UBAC2: variants seen among roughly 807,000 people sequenced by gnomAD.
The protein encoded by UBAC2 is UBA domain containing 2.
UBAC2 carries 26 observed loss-of-function variants against 44.0 expected under a neutral mutation model. The observed-to-expected ratio is 0.59, with a 90% CI of 0.43 to 0.82. UBAC2 has a LOEUF of 0.82. Ranked by LOEUF, UBAC2 falls within the 40% of genes least tolerant of loss-of-function variation. UBAC2 has a pLI of 0.00. For missense variants in UBAC2, 329 were observed against 419.4 expected, an observed-to-expected ratio of 0.78 and a Z score of 1.88; for synonymous variants, 155 against 154.3, an observed-to-expected ratio of 1.00 and a Z score of -0.04.
intron 4 of UBAC2, among the ~76,000 whole-genome samples, chr13:99,266,788 G>A: frequency 6.6e-6 from 1 of 152,058 alleles, no homozygotes; most frequent in African/African-American, 2.4e-5. Flanking sequence ...CAACCTCCAG[G>A]ACATTTTCAT....
intron 1 of UBAC2, among the ~76,000 whole-genome samples, chr13:99,210,289 G>C (rs1005728497): frequency 2.6e-5 from 4 of 152,110 alleles, no homozygotes; most frequent in Non-Finnish European, 4.4e-5. Flanking sequence ...GCACTAGGAA[G>C]AAATAAAATG....
intron 1 of UBAC2, among the ~76,000 whole-genome samples, chr13:99,224,359 A>T (rs2043087052): frequency 6.6e-6 from 1 of 152,224 alleles, no homozygotes; most frequent in Non-Finnish European, 1.5e-5. Context: ...AAACTTAGTC[A>T]GCATAGAGCT....
intron 4 of UBAC2, among the ~76,000 whole-genome samples, chr13:99,249,448 G>A (rs1351063402): frequency 6.6e-6 from 1 of 152,178 alleles, no homozygotes; most frequent in Non-Finnish European, 1.5e-5. Context: ...TTGCTGATGG[G>A]CACTTAGGTT....
intron 1 of UBAC2, chr13:99,201,685 A>G (rs774365615): frequency 1.1e-5 from 13 of 1,149,178 alleles, no homozygotes; most frequent in African/African-American, 1.6e-5. Context: ...AGCAACGGAG[A>G]ACAGCTCTAA....
intron 6 of UBAC2, among the ~76,000 whole-genome samples, chr13:99,319,520 C>A (rs2044541461): frequency 6.6e-6 from 1 of 152,156 alleles, no homozygotes; most frequent in African/African-American, 2.4e-5. Flanking sequence ...TATTCCTTTT[C>A]TGTGTTCATT....
intron 1 of UBAC2, among the ~76,000 whole-genome samples, chr13:99,223,540 C>CTT (rs1217614346): frequency 2.9e-5 from 1 of 34,908 alleles, no homozygotes; most frequent in Non-Finnish European, 5.8e-5. Flanking sequence ...TTCTCTTTTT[C>CTT]TGTTTTTTTT....
chr13:99,375,195 C>T (rs2045463622), intron 8 of UBAC2, among the ~76,000 whole-genome samples: 1 of 152,218 alleles, frequency 6.6e-6, no homozygotes, highest in African/African-American at 2.4e-5. Flanking sequence ...TGACGAGGCT[C>T]TAGACACAGT....
intron 7 of UBAC2, among the ~76,000 whole-genome samples, chr13:99,363,004 A>T (rs866142306): frequency 6.6e-6 from 1 of 150,428 alleles, no homozygotes; most frequent in Non-Finnish European, 1.5e-5. Flanking sequence ...CTTCAAAAAA[A>T]TTTTCACAGT....
intron 2 of UBAC2, among the ~76,000 whole-genome samples, chr13:99,240,846 CAT>C (rs1471312383): frequency 2.0e-5 from 3 of 152,142 alleles, no homozygotes; most frequent in Non-Finnish European, 4.4e-5. Context: ...GGAGTAGAGA[CAT>C]ATGTGACAGG....
At chr13:99,284,720 C>T (rs1389831484) in intron 4 of UBAC2, among the ~76,000 whole-genome samples, 1 of 152,186 alleles carries the variant, frequency 6.6e-6, no homozygotes, top group Non-Finnish European at 1.5e-5. Flanking sequence ...ATTGGTACAT[C>T]CCCTTACTGT....
intron 1 of UBAC2, among the ~76,000 whole-genome samples, chr13:99,205,415 A>C (rs951885568): frequency 7.2e-5 from 11 of 152,162 alleles, no homozygotes; most frequent in Admixed American, 2.0e-4. Context: ...GGTGGTTGTC[A>C]AACGCTGCTC....
chr13:99,355,394 C>T (rs1012930551), intron 7 of UBAC2, among the ~76,000 whole-genome samples: 1 of 152,186 alleles, frequency 6.6e-6, no homozygotes, highest in Non-Finnish European at 1.5e-5. Context: ...TGGCCCTTAC[C>T]GTCACCAGCG....
chr13:99,340,821 C>T (rs963177216), intron 7 of UBAC2, among the ~76,000 whole-genome samples: 2 of 152,176 alleles, frequency 1.3e-5, no homozygotes, highest in African/African-American at 4.8e-5. Flanking sequence ...AGCATGACTT[C>T]TTAGAGAAAC....
At chr13:99,375,685 G>C (rs1253881784) in intron 8 of UBAC2, among the ~76,000 whole-genome samples, 1 of 152,162 alleles carries the variant, frequency 6.6e-6, no homozygotes, top group Non-Finnish European at 1.5e-5. Flanking sequence ...GAGGGGAGTT[G>C]CTAGAAATCT....
chr13:99,376,485 G>A (rs546930765), intron 8 of UBAC2, among the ~76,000 whole-genome samples: 2 of 152,342 alleles, frequency 1.3e-5, no homozygotes, highest in African/African-American at 2.4e-5. Flanking sequence ...CCGTGAGGGC[G>A]GAGCTGGAGT....
At chr13:99,324,300 T>C (rs2044608099) in intron 6 of UBAC2, among the ~76,000 whole-genome samples, 2 of 152,196 alleles carry the variant, frequency 1.3e-5, no homozygotes, top group Admixed American at 1.3e-4. Flanking sequence ...GTTTTGTTGT[T>C]TGACTTACAC....
chr13:99,357,375 C>G (rs1392209578), intron 7 of UBAC2, among the ~76,000 whole-genome samples: 1 of 152,232 alleles, frequency 6.6e-6, no homozygotes, highest in Non-Finnish European at 1.5e-5. Context: ...GCCTCTCGTT[C>G]AGTCCTGAAG....
rs1248353430 is a variant in UBAC2 at position 99,345,733 on chromosome 13, TTTTC to T, written c.807+5176_807+5179del. Among the ~76,000 whole-genome samples, 342 of 143,158 alleles carry T rather than the reference TTTTC, an allele frequency of 2.4e-3. 9 individuals carry two copies. The highest frequency in any genetic ancestry group is 0.021 in the East Asian group (99 of 4,780). 93.9% of individuals were successfully genotyped at this position (143,158 alleles called of 152,430 possible). ...AGCTCTTGACAGGTACTGTTTCTTT[TTTTC>T]TTTCTTTTTTTTTTTTTTTTTTTGA... On this transcript the variant is annotated intron_variant, in intron 7 of 8. Coordinates refer to ENST00000403766, the MANE Select transcript of UBAC2 (RefSeq NM_001144072.2).
intron 4 of UBAC2, among the ~76,000 whole-genome samples, chr13:99,282,548 T>A (rs1224224909): frequency 1.3e-5 from 2 of 152,234 alleles, no homozygotes; most frequent in African/African-American, 4.8e-5. Context: ...TCCAGTCTAA[T>A]AGGAAATATG....
Sources: allele counts gnomAD v4.1 joint callset (sites outside exome capture counted in the v4.1 genomes callset), GRCh38; gene constraint gnomAD v4.1.1; transcripts MANE v1.5; gene names NCBI Gene and HGNC (gene_info 2026-07-23, HGNC 2026-07-21).